FAM217B: variants seen among roughly 807,000 people sequenced by gnomAD.
The protein encoded by FAM217B is protein FAM217B.
For missense variants in FAM217B, 463 were observed against 456.9 expected (o/e 1.01, Z -0.12); for synonymous variants, 163 against 173.0 (o/e 0.94, Z 0.45).
rs1270399759 is a variant in FAM217B at position 59,948,498 on chromosome 20, A to G, written c.*3403A>G. The G allele has an allele frequency of 1.2e-5, 2 of 167,004 alleles. No individual in the cohort carries two copies. Among genetic ancestry groups the G allele is most frequent in the East Asian group, 1.9e-4 (1 of 5,194 alleles). 10.3% of individuals were successfully genotyped at this position (167,004 alleles called of 1,614,324 possible). ...TTAAGGTAATTCAGAAGCAGTATGT[A>G]TTATTTATGTACATGTACAGGACAC... On this transcript the variant is annotated 3_prime_UTR_variant, in exon 4 of 4. Transcript: ENST00000360816.
In FAM217B at chr20:59,948,632, A is replaced by T. The variant is rs2060951720; in HGVS notation, c.*3537A>T. 1 of 166,954 alleles carries T rather than the reference A, an allele frequency of 6.0e-6. No individual in the cohort carries two copies. The highest frequency in any genetic ancestry group is 1.5e-5 in the Non-Finnish European group (1 of 68,108). The allele number at this position is 166,954 out of a possible 1,614,324, so 10.3% of individuals were successfully genotyped here. A position where few individuals can be genotyped will look rare whatever the true frequency, so the allele number is the denominator to read the frequency against. ...TTGATGTAAGTTTTTGTGGACTTGA[A>T]TTTCTCCTTCCTTGAGATCAATTAA... On this transcript the variant is annotated 3_prime_UTR_variant, in exon 4 of 4. Transcript: ENST00000360816.
In FAM217B at chr20:59,946,659, T is replaced by G. The variant is rs2060938708; in HGVS notation, c.*1564T>G. Reference sequence around the variant, plus strand: ...ACTTAATTTTCAGACTTGTACAAGTTCCTTCTTACATTCTTTCCCTCTCAC... The same window carrying G: ...ACTTAATTTTCAGACTTGTACAAGTGCCTTCTTACATTCTTTCCCTCTCAC... On this transcript the variant is annotated 3_prime_UTR_variant, in exon 4 of 4. Transcript: ENST00000360816. 6.0e-6 allele frequency: 1 copy of G among 167,066 alleles called. No individual in the cohort carries two copies. The allele number at this position is 167,066 out of a possible 1,614,324, so 10.3% of individuals were successfully genotyped here. A position where few individuals can be genotyped will look rare whatever the true frequency, so the allele number is the denominator to read the frequency against.
upstream of FAM217B, among the ~76,000 whole-genome samples, chr20:59,936,237 TAC>T (rs1354296426): frequency 2.6e-5 from 4 of 152,330 alleles, no homozygotes; most frequent in African/African-American, 7.2e-5. Flanking sequence ...ACGTCATATA[TAC>T]AGTTACCCTG....
At chr20:59,941,009 A>G (rs1490392022) in intron 1 of FAM217B, among the ~76,000 whole-genome samples, 1 of 152,194 alleles carries the variant, frequency 6.6e-6, no homozygotes, top group East Asian at 1.9e-4. Context: ...TTGTAGCCAG[A>G]ATCTCCGACT....
chr20:59,941,492 A>G (rs1276514389), intron 1 of FAM217B, among the ~76,000 whole-genome samples: 1 of 152,236 alleles, frequency 6.6e-6, no homozygotes, highest in African/African-American at 2.4e-5. Flanking sequence ...CTTTTATTTT[A>G]CAGAGACAGG....
rs1208008212 is a variant in FAM217B at position 59,946,854 on chromosome 20, T to C, written c.*1759T>C. 1 of 167,100 alleles carries C rather than the reference T, an allele frequency of 6.0e-6. No individual in the cohort carries two copies. Among genetic ancestry groups the C allele is most frequent in the Non-Finnish European group, 1.5e-5 (1 of 68,124 alleles). The allele number at this position is 167,100 out of a possible 1,614,324, so 10.4% of individuals were successfully genotyped here. On this transcript the variant is annotated 3_prime_UTR_variant, in exon 4 of 4. Coordinates refer to ENST00000360816, the MANE Select transcript of FAM217B (RefSeq NM_022106.3). ...TGGAAAACAGCACTACGCTTAGTTTTCCTGTAGTTCCTGAGTGATGTCTGT... is the reference window on the plus strand; with the variant it reads ...TGGAAAACAGCACTACGCTTAGTTTCCCTGTAGTTCCTGAGTGATGTCTGT...
rs369673699 is a variant in FAM217B, at chr20:59,944,925, C to T, written c.982C>T (p.Gln328Ter). 3.1e-6 allele frequency: 5 copies of T among 1,614,174 alleles called. No homozygotes were observed. Among genetic ancestry groups the T allele is most frequent in the Non-Finnish European group, 4.2e-6 (5 of 1,180,038 alleles). The change falls in exon 4 of 4, where the codon CAG (glutamine) becomes TAG (stop). Residue 328 changes from glutamine (Q) to a stop codon, truncating the protein, a stop_gained. Transcript: ENST00000360816. LOFTEE classifies it low-confidence loss of function (END_TRUNC). The part of the protein sequence containing the change: ...ETSGHIRVPK[Q>*]AAVILDSADS... ...CAGCGGTCACATTCGAGTTCCCAAA[C>T]AGGCAGCTGTGATTCTGGACTCAGC... is the stretch of plus-strand genomic sequence containing the variant.
chr20:59,944,408 A>G lies in FAM217B; in HGVS notation c.465A>G (p.Leu155=), dbSNP rs529379158. Residue 155 remains leucine, a synonymous_variant, in exon 4 of 4, where the codon CTA becomes CTG. Coordinates refer to ENST00000360816, the MANE Select transcript of FAM217B (RefSeq NM_022106.3). ...CATCCCCTTTCAGCTCCTGGGACCT[A>G]CGAGATATGGCCCTGCTTCTGAACG... ...FLPSPFSSWD[L]RDMALLLNAE... The G allele has an allele frequency of 1.9e-6, 3 of 1,614,062 alleles. No individual in the cohort carries two copies. The highest frequency in any genetic ancestry group is 2.2e-5 in the South Asian group (2 of 91,072).
chr20:59,941,265 G>A (rs1356308896), intron 1 of FAM217B, among the ~76,000 whole-genome samples: 1 of 152,212 alleles, frequency 6.6e-6, no homozygotes, highest in Non-Finnish European at 1.5e-5. Context: ...GAGGGACAAA[G>A]CAGAAAGAAA....
At chr20:59,940,270 C>T (rs997982036), upstream of FAM217B, 2 of 202,938 alleles carry the variant, frequency 9.9e-6, no homozygotes, top group African/African-American at 4.7e-5. Flanking sequence ...AGCGGCCCCT[C>T]CCACTTTCCC....
Position 59,947,149 on chromosome 20 carries a change from A to AAGTG in FAM217B, c.*2056_*2059dup, listed in dbSNP as rs1477894664. Reference sequence around the variant, plus strand: ...TAGAGACCTTGAATGGTTGAGGGTAAAGTGATTTATTAGTAATTCTACTTG... The same window carrying AAGTG: ...TAGAGACCTTGAATGGTTGAGGGTAAAGTGAGTGATTTATTAGTAATTCTACTTG... On this transcript the variant is annotated 3_prime_UTR_variant, in exon 4 of 4. Coordinates refer to ENST00000360816, the MANE Select transcript of FAM217B (RefSeq NM_022106.3). 6.0e-6 allele frequency: 1 copy of AAGTG among 167,084 alleles called. No homozygotes were observed. The highest frequency in any genetic ancestry group is 2.4e-5 in the African/African-American group (1 of 41,442). The allele number at this position is 167,084 out of a possible 1,614,324, so 10.4% of individuals were successfully genotyped here.
Position 59,945,320 on chromosome 20 carries a change from C to A in FAM217B, c.*225C>A. On this transcript the variant is annotated 3_prime_UTR_variant, in exon 4 of 4. Transcript: ENST00000360816. ...ATTGTCAGTCTTAGGCAAATGAGAG[C>A]CCTTTAGATAAAAATTATGTAAAAT... The A allele has an allele frequency of 2.3e-6, 1 of 430,834 alleles. No homozygotes were observed. The highest frequency in any genetic ancestry group is 3.6e-5 in the South Asian group (1 of 27,910). The allele number at this position is 430,834 out of a possible 1,614,324, so 26.7% of individuals were successfully genotyped here.
At chr20:59,943,586 G>A (rs1048420082) in intron 3 of FAM217B, among the ~76,000 whole-genome samples, 4 of 151,834 alleles carry the variant, frequency 2.6e-5, no homozygotes, top group African/African-American at 7.3e-5. Context: ...AGAGTTCTAC[G>A]ACTGATTTTT....
chr20:59,939,848 C>G (rs1433319628), upstream of FAM217B: 4 of 1,243,694 alleles, frequency 3.2e-6, no homozygotes, highest in South Asian at 1.5e-4. Flanking sequence ...CGTCCAGGTC[C>G]GACAGGCAGC....
chr20:59,939,398 G>C (rs980601297), upstream of FAM217B: 1 of 1,610,550 alleles, frequency 6.2e-7, no homozygotes, highest in East Asian at 2.2e-5. Flanking sequence ...CACGCTCCAG[G>C]CACACGAGCT....
rs752660568 is a variant in FAM217B, at chr20:59,943,958, A to G, written c.15A>G (p.Pro5=). 1 of 1,601,096 alleles carries G rather than the reference A, an allele frequency of 6.2e-7. No individual in the cohort carries two copies. The highest frequency in any genetic ancestry group is 8.5e-7 in the Non-Finnish European group (1 of 1,174,962). ...CTCACAGCAATATGAATGCTGGCCC[A>G]TCTTGGAATAAAGTGCAACATTCAA... MNAG[P]SWNKVQHSKN... The change falls in exon 4 of 4, where the codon CCA becomes CCG. Residue 5 remains proline, a synonymous_variant. Transcript: ENST00000360816.
intron 1 of FAM217B, among the ~76,000 whole-genome samples, chr20:59,934,442 CGT>C (rs2060842676): frequency 6.6e-6 from 1 of 152,014 alleles, no homozygotes; most frequent in Admixed American, 6.5e-5. Context: ...CAGTCTTCTG[CGT>C]GTTTTCCCCG....
chr20:59,944,781 T>C lies in FAM217B; in HGVS notation c.838T>C (p.Cys280Arg), dbSNP rs753789570. 6.2e-7 allele frequency: 1 copy of C among 1,614,200 alleles called. No homozygotes were observed. The highest frequency in any genetic ancestry group is 8.5e-7 in the Non-Finnish European group (1 of 1,180,028). ...TGATGTGCTTGGTGGTACCAGGTTT[T>C]GTTCTCAGAGGCAAACCCTTGAAAT... The part of the protein sequence containing the change: ...PIDVLGGTRF[C>R]SQRQTLEMRT... The change falls in exon 4 of 4, where the codon TGT (cysteine) becomes CGT (arginine). Residue 280 changes from cysteine to arginine, a missense_variant. Transcript: ENST00000360816.
At chr20:59,940,579 T>C (rs1239755742) in intron 1 of FAM217B, 44 bp downstream of exon 1, 1 of 152,292 alleles carries the variant, frequency 6.6e-6, no homozygotes, top group Non-Finnish European at 1.5e-5. Context: ...TGCGCGCCTA[T>C]CGATCATAGA....
Sources: allele counts gnomAD v4.1 joint callset (sites outside exome capture counted in the v4.1 genomes callset), GRCh38; gene constraint gnomAD v4.1.1; transcripts MANE v1.5; gene names NCBI Gene and HGNC (gene_info 2026-07-23, HGNC 2026-07-21).